Variants in IL34 observed in about 807,000 individuals in gnomAD.
The protein encoded by IL34 is interleukin-34.
IL34 carries 17 observed loss-of-function variants against 25.3 expected under a neutral mutation model. The observed-to-expected ratio is 0.67, with a 90% CI of 0.46 to 1.01. The LOEUF is 1.01. Ranked by LOEUF, IL34 falls within the 50% of genes least tolerant of loss-of-function variation. IL34 has a pLI of 0.00. For missense variants in IL34, 368 were observed against 312.9 expected (o/e 1.18, Z -1.33); for synonymous variants, 174 against 140.9 (o/e 1.23, Z -1.66).
intron 1 of IL34, among the ~76,000 whole-genome samples, chr16:70,618,556 C>G (rs550250377): frequency 6.6e-6 from 1 of 152,138 alleles, no homozygotes; most frequent in Non-Finnish European, 1.5e-5. Flanking sequence ...ATTAATGCAG[C>G]GGCAGCCGCT....
intron 1 of IL34, among the ~76,000 whole-genome samples, chr16:70,610,203 GAAAA>G (rs532430858): frequency 8.5e-6 from 1 of 118,068 alleles, no homozygotes; most frequent in African/African-American, 3.0e-5. Context: ...CTCTATCTCA[GAAAA>G]AAAAAAAAAA....
At chr16:70,647,042 A>C (rs2051952452) in intron 1 of IL34, 67 bp downstream of exon 1, 2 of 1,300,726 alleles carry the variant, frequency 1.5e-6, no homozygotes, top group East Asian at 6.2e-5. Context: ...GATCTGCCGT[A>C]ACCATAGCAA....
At chr16:70,654,460 G>C in intron 1 of IL34, 78 bp from the exon 2 acceptor site, 1 of 1,513,326 alleles carries the variant, frequency 6.6e-7, no homozygotes. Flanking sequence ...GATGATGGTT[G>C]TGCTCGGCTT....
intron 1 of IL34, among the ~76,000 whole-genome samples, chr16:70,595,990 G>A (rs532807656): frequency 1.3e-5 from 2 of 149,320 alleles, no homozygotes; most frequent in African/African-American, 5.0e-5. Context: ...CAGCATGGGC[G>A]ACACAGCGAG....
chr16:70,625,940 A>G (rs2151843481), intron 1 of IL34, among the ~76,000 whole-genome samples: 1 of 152,298 alleles, frequency 6.6e-6, no homozygotes, highest in South Asian at 2.1e-4. Flanking sequence ...GATCTTTCTC[A>G]CAGAGCAAAG....
upstream of IL34, among the ~76,000 whole-genome samples, chr16:70,645,109 G>C (rs2051892942): frequency 7.6e-6 from 1 of 131,852 alleles, no homozygotes. Flanking sequence ...GGGGGAAAGA[G>C]GAGGAAGAAG....
intron 1 of IL34, among the ~76,000 whole-genome samples, chr16:70,589,155 C>G (rs1387352494): frequency 6.6e-6 from 1 of 151,916 alleles, no homozygotes; most frequent in Non-Finnish European, 1.5e-5. Context: ...CAAGGTCACG[C>G]CATTGCACTC....
chr16:70,585,422 GT>G (rs2050681449), intron 1 of IL34, among the ~76,000 whole-genome samples: 1 of 152,094 alleles, frequency 6.6e-6, no homozygotes, highest in Admixed American at 6.5e-5. Flanking sequence ...GCTGGGCGCG[GT>G]GGCTCACGCC....
intron 1 of IL34, among the ~76,000 whole-genome samples, chr16:70,583,042 A>G (rs892596886): frequency 1.3e-5 from 2 of 152,158 alleles, no homozygotes; most frequent in Admixed American, 6.5e-5. Context: ...TGGTAGGGAT[A>G]CGATTTTGAA....
intron 3 of IL34, 29 bp from the exon 4 acceptor site, chr16:70,656,931 G>T: frequency 1.3e-6 from 2 of 1,590,062 alleles, no homozygotes; most frequent in South Asian, 1.1e-5. Flanking sequence ...CATGTCTCCC[G>T]AGTTGCAGTG....
chr16:70,641,951 CAAAG>C (rs1203677886), upstream of IL34, among the ~76,000 whole-genome samples: 1 of 152,066 alleles, frequency 6.6e-6, no homozygotes, highest in Non-Finnish European at 1.5e-5. Context: ...CTGAAATGGA[CAAAG>C]AAAATGTGGG....
intron 1 of IL34, among the ~76,000 whole-genome samples, chr16:70,599,955 C>T (rs2050891136): frequency 6.6e-6 from 1 of 152,074 alleles, no homozygotes; most frequent in African/African-American, 2.4e-5. Flanking sequence ...GCTGGGATTA[C>T]AGGTATGAGT....
intron 1 of IL34, among the ~76,000 whole-genome samples, chr16:70,598,138 G>A (rs765480082): frequency 3.3e-5 from 5 of 152,114 alleles, no homozygotes; most frequent in South Asian, 2.1e-4. Context: ...AAGGCACCGC[G>A]CCTGGTTGAA....
intron 1 of IL34, among the ~76,000 whole-genome samples, chr16:70,627,993 C>G (rs2051433628): frequency 6.6e-6 from 1 of 152,186 alleles, no homozygotes. Flanking sequence ...TGCACACGTT[C>G]AATTTCAGAA....
upstream of IL34, among the ~76,000 whole-genome samples, chr16:70,642,118 A>C (rs2051798392): frequency 6.6e-6 from 1 of 152,104 alleles, no homozygotes; most frequent in African/African-American, 2.4e-5. Flanking sequence ...CTGGGCTGGA[A>C]CTTTGAGATC....
At chr16:70,603,006 C>G (rs2050941657) in intron 1 of IL34, among the ~76,000 whole-genome samples, 1 of 152,070 alleles carries the variant, frequency 6.6e-6, no homozygotes, top group South Asian at 2.1e-4. Flanking sequence ...CAACCCCAGC[C>G]CTGAGTGGGA....
chr16:70,654,565 T>C lies in IL34; in HGVS notation c.56T>C (p.Leu19Ser). The C allele has an allele frequency of 1.9e-6, 3 of 1,613,162 alleles. No individual in the cohort carries two copies. In the African/African-American group the frequency reaches 4.0e-5, roughly 21 times the overall value. The change falls in exon 2 of 6, where the codon TTG becomes TCG. Residue 19 changes from leucine (L) to serine (S), a missense_variant. Physicochemically the swap from Leu to Ser is moderately radical, Grantham distance 145. Transcript: ENST00000288098. ...RYLGIFLGVA[L>S]GNEPLEMWPL... ...CTTGGGATCTTCCTTGGCGTGGCCT[T>C]GGGGAATGAGCCTTTGGAGATGTGG...
At chr16:70,616,227 A>G (rs2051171092) in intron 1 of IL34, among the ~76,000 whole-genome samples, 1 of 152,208 alleles carries the variant, frequency 6.6e-6, no homozygotes, top group Non-Finnish European at 1.5e-5. Context: ...CGGCATTGCT[A>G]AGTATCTGCA....
chr16:70,647,989 G>T (rs1352366593), intron 1 of IL34, among the ~76,000 whole-genome samples: 1 of 152,174 alleles, frequency 6.6e-6, no homozygotes, highest in Non-Finnish European at 1.5e-5. Context: ...CCAGGAAGAG[G>T]GGCCAGTGTG....
Sources: gnomAD v4.1 joint callset for allele counts (sites outside exome capture counted in the v4.1 genomes callset) on GRCh38, gnomAD v4.1.1 for gene constraint, MANE v1.5 for transcripts, NCBI Gene and HGNC (gene_info 2026-07-23, HGNC 2026-07-21) for gene names.